Variants in XKR6 observed in about 807,000 individuals in gnomAD.
XKR6 encodes XK-related protein 6.
Under a neutral mutation model 56.7 loss-of-function variants are expected in XKR6, and 22 were observed. The observed-to-expected ratio is 0.39, with a 90% CI of 0.28 to 0.55. The LOEUF is 0.55. XKR6 is among the 20% of genes least tolerant of loss of function. The pLI is 0.66. For synonymous variants in XKR6, 524 were observed against 387.8 expected (o/e 1.35, Z -4.13); for missense variants, 852 against 889.0 (o/e 0.96, Z 0.53).
intron 1 of XKR6, among the ~76,000 whole-genome samples, chr8:10,937,676 T>C (rs1397270479): frequency 1.3e-5 from 2 of 148,828 alleles, no homozygotes; most frequent in African/African-American, 2.5e-5. Flanking sequence ...GGTGTCAGTG[T>C]GCCCCTGCTG....
At chr8:10,911,048 A>C (rs1800342888) in intron 2 of XKR6, among the ~76,000 whole-genome samples, 1 of 152,178 alleles carries the variant, frequency 6.6e-6, no homozygotes, top group African/African-American at 2.4e-5. Flanking sequence ...TGCTCTGGAA[A>C]GGACACAGGT....
chr8:11,190,067 GA>G (rs1803472986), intron 1 of XKR6, among the ~76,000 whole-genome samples: 1 of 152,012 alleles, frequency 6.6e-6, no homozygotes, highest in Non-Finnish European at 1.5e-5. Flanking sequence ...TGAGGCAGAA[GA>G]ATCACTTGAA....
chr8:11,176,552 T>C (rs904318557), intron 1 of XKR6, among the ~76,000 whole-genome samples: 2 of 152,142 alleles, frequency 1.3e-5, no homozygotes, highest in Non-Finnish European at 2.9e-5. Flanking sequence ...AGCCAGATTT[T>C]ACATCAAATT....
chr8:11,190,536 T>C (rs750552275), intron 1 of XKR6, among the ~76,000 whole-genome samples: 1 of 152,206 alleles, frequency 6.6e-6, no homozygotes, highest in Non-Finnish European at 1.5e-5. Context: ...CCAGAGGTAT[T>C]AATATTACTC....
intron 1 of XKR6, among the ~76,000 whole-genome samples, chr8:10,955,429 T>C (rs996824261): frequency 6.6e-6 from 1 of 151,898 alleles, no homozygotes; most frequent in Non-Finnish European, 1.5e-5. Context: ...GATCCCCCCA[T>C]GTAGGCCTCC....
At chr8:10,967,046 C>T (rs538003797) in intron 1 of XKR6, among the ~76,000 whole-genome samples, 7 of 152,288 alleles carry the variant, frequency 4.6e-5, no homozygotes, top group East Asian at 3.9e-4. Context: ...TGGTTAGCAA[C>T]GCAGAGGCTG....
At chr8:11,163,100 A>G (rs1231447659) in intron 1 of XKR6, among the ~76,000 whole-genome samples, 1 of 152,254 alleles carries the variant, frequency 6.6e-6, no homozygotes, top group African/African-American at 2.4e-5. Flanking sequence ...ATACCACAGT[A>G]AACCTAAAAT....
intron 2 of XKR6, among the ~76,000 whole-genome samples, chr8:10,901,195 A>C (rs1422332855): frequency 6.6e-6 from 1 of 151,930 alleles, no homozygotes; most frequent in Non-Finnish European, 1.5e-5. Flanking sequence ...AGCTGGGACT[A>C]CAGGTGCACA....
intron 1 of XKR6, among the ~76,000 whole-genome samples, chr8:11,067,243 TG>T (rs1028851747): frequency 2.0e-5 from 3 of 152,188 alleles, no homozygotes; most frequent in African/African-American, 7.2e-5. Flanking sequence ...GGCAAGAGCC[TG>T]GGGCGGCAGC....
chr8:11,147,255 C>A (rs1372854367), intron 1 of XKR6, among the ~76,000 whole-genome samples: 1 of 151,976 alleles, frequency 6.6e-6, no homozygotes, highest in Non-Finnish European at 1.5e-5. Context: ...TTTTATGTGT[C>A]AATCATTTAA....
At chr8:11,192,841 G>A (rs147554758) in intron 1 of XKR6, among the ~76,000 whole-genome samples, 1 of 152,266 alleles carries the variant, frequency 6.6e-6, no homozygotes, top group East Asian at 1.9e-4. Context: ...CACACTTGAA[G>A]AAACACAGCT....
chr8:11,170,523 A>C lies in XKR6; in HGVS notation c.764+30053T>G, dbSNP rs547241419. ...ACTCTACAGACACAGACTACAGGTT[A>C]GCAGTTCCCAGGGGCTGGGAAAGGG... On this transcript the variant is annotated intron_variant, in intron 1 of 2. Coordinates refer to ENST00000416569, the MANE Select transcript of XKR6 (RefSeq NM_173683.4). Among the ~76,000 whole-genome samples the C allele has an allele frequency of 5.9e-5, 9 of 152,360 alleles. No homozygotes were observed. In the East Asian group the frequency reaches 1.7e-3, roughly 29 times the overall value.
At chr8:10,902,428 C>G (rs1313952415) in intron 2 of XKR6, among the ~76,000 whole-genome samples, 1 of 152,146 alleles carries the variant, frequency 6.6e-6, no homozygotes, top group Non-Finnish European at 1.5e-5. Context: ...TCAAGACTGT[C>G]CTGAGAACCA....
In XKR6 at chr8:11,012,468, T is replaced by C. The variant is rs1798522429; in HGVS notation, c.765-87638A>G. Among the ~76,000 whole-genome samples, 4 of 152,200 alleles carry C rather than the reference T, an allele frequency of 2.6e-5. No individual in the cohort carries two copies. The South Asian group carries it at 8.3e-4, about 32-fold the overall frequency. On this transcript the variant is annotated intron_variant, in intron 1 of 2. Transcript: ENST00000416569. Reference sequence around the variant, plus strand: ...GTTCAATAACTGTTAGTATCTATCATTGTGAGTGTAGTTGTTACGGCTGCT... The same window carrying C: ...GTTCAATAACTGTTAGTATCTATCACTGTGAGTGTAGTTGTTACGGCTGCT...
intron 1 of XKR6, among the ~76,000 whole-genome samples, chr8:11,177,903 C>T (rs1415345644): frequency 6.6e-6 from 1 of 152,234 alleles, no homozygotes; most frequent in East Asian, 1.9e-4. Flanking sequence ...CAGGAGAAAA[C>T]TCACACAGTG....
At chr8:10,934,877 C>T (rs1183603473) in intron 1 of XKR6, among the ~76,000 whole-genome samples, 1 of 140,182 alleles carries the variant, frequency 7.1e-6, no homozygotes, top group Non-Finnish European at 1.6e-5. Context: ...CGTTGTGTCT[C>T]TGCCCGGCTT....
chr8:11,034,182 A>G (rs1414352063), intron 1 of XKR6, among the ~76,000 whole-genome samples: 1 of 152,168 alleles, frequency 6.6e-6, no homozygotes, highest in East Asian at 1.9e-4. Context: ...GTGCCAGACA[A>G]GGGGAAGAGA....
intron 1 of XKR6, among the ~76,000 whole-genome samples, chr8:11,162,937 C>T (rs760166792): frequency 1.3e-5 from 2 of 152,216 alleles, no homozygotes; most frequent in Non-Finnish European, 2.9e-5. Flanking sequence ...TTACCTTATT[C>T]TCAGTCTAGC....
At position 10,997,877 on chromosome 8, in the gene XKR6, G is replaced by C. The variant is rs142117698; in HGVS notation, c.765-73047C>G. Among the ~76,000 whole-genome samples the C allele has an allele frequency of 4.4e-3, 665 of 152,284 alleles. 3 individuals carry two copies. The highest frequency in any genetic ancestry group is 0.015 in the African/African-American group (623 of 41,560). ...GGCACAACCGGGGTCAGAGGGGGAA[G>C]GCAAGAAAGCAACTTGACCTTAAAA... On this transcript the variant is annotated intron_variant, in intron 1 of 2. Transcript: ENST00000416569.
Sources: allele counts gnomAD v4.1 joint callset (sites outside exome capture counted in the v4.1 genomes callset), GRCh38; gene constraint gnomAD v4.1.1; transcripts MANE v1.5; gene names NCBI Gene and HGNC (gene_info 2026-07-23, HGNC 2026-07-21).